COP1: variants seen among roughly 807,000 people sequenced by gnomAD.
COP1 encodes the protein COP1 E3 ubiquitin ligase.
COP1 carries 24 observed loss-of-function variants against 101.3 expected under a neutral mutation model. The observed-to-expected ratio is 0.24, with a 90% confidence interval of 0.17 to 0.33. The LOEUF is 0.33. Ranked by LOEUF, COP1 falls within the 10% of genes least tolerant of loss-of-function variation. The pLI, the probability that COP1 is intolerant of heterozygous loss-of-function variation, is 1.00. For missense variants in COP1, 663 were observed against 906.2 expected (o/e 0.73, Z 3.45); for synonymous variants, 347 against 341.9 (o/e 1.01, Z -0.17).
At chr1:176,038,883 A>G (rs1340968527) in intron 14 of COP1, among the ~76,000 whole-genome samples, 2 of 152,160 alleles carry the variant, frequency 1.3e-5, no homozygotes, top group African/African-American at 4.8e-5. Flanking sequence ...AAACAGGCCC[A>G]TACACATCCC....
chr1:176,041,353 CTTTTTTTT>C (rs527574402), intron 14 of COP1, among the ~76,000 whole-genome samples: 1 of 144,198 alleles, frequency 6.9e-6, no homozygotes, highest in East Asian at 2.0e-4. Flanking sequence ...TTCTTTTTTT[CTTTTTTTT>C]TTTTGAGACA....
chr1:176,037,801 G>A (rs545928245), intron 14 of COP1, among the ~76,000 whole-genome samples: 1 of 152,218 alleles, frequency 6.6e-6, no homozygotes, highest in African/African-American at 2.4e-5. Flanking sequence ...ATTGACACAG[G>A]TGCCTACTAA....
chr1:176,054,332 T>C (rs1381471937), intron 11 of COP1, among the ~76,000 whole-genome samples: 2 of 151,902 alleles, frequency 1.3e-5, no homozygotes, highest in Non-Finnish European at 2.9e-5. Flanking sequence ...CAGCTAATTT[T>C]TGTATTTTTA....
At chr1:175,962,866 A>G (rs1651544992) in intron 18 of COP1, among the ~76,000 whole-genome samples, 1 of 152,212 alleles carries the variant, frequency 6.6e-6, no homozygotes, top group South Asian at 2.1e-4. Flanking sequence ...AAAAGCAGAA[A>G]AAAAATTAAG....
intron 9 of COP1, among the ~76,000 whole-genome samples, chr1:176,104,885 G>A (rs1003007695): frequency 5.3e-5 from 8 of 152,062 alleles, no homozygotes; most frequent in African/African-American, 9.7e-5. Context: ...TGGAAACTGC[G>A]TACTTGTCAT....
chr1:176,134,000 C>A (rs1689388891), intron 8 of COP1: 3 of 389,586 alleles, frequency 7.7e-6, no homozygotes, highest in South Asian at 3.8e-5. Context: ...TAAAATAACA[C>A]CAGAATTAAC....
chr1:176,015,520 G>C (rs1357348509), intron 15 of COP1, among the ~76,000 whole-genome samples: 1 of 152,098 alleles, frequency 6.6e-6, no homozygotes, highest in African/African-American at 2.4e-5. Context: ...ACTTGATAAG[G>C]AAGACATACA....
At chr1:176,043,960 C>T (rs1671068456) in intron 12 of COP1, 142 bp from the exon 13 acceptor site, 1 of 580,298 alleles carries the variant, frequency 1.7e-6, no homozygotes, top group Admixed American at 2.9e-5. Context: ...CCACAACATA[C>T]CTGGGAAAAG....
At chr1:176,189,744 G>T (rs1220662099) in intron 1 of COP1, among the ~76,000 whole-genome samples, 1 of 150,522 alleles carries the variant, frequency 6.6e-6, no homozygotes, top group Non-Finnish European at 1.5e-5. Context: ...AAAGGAAAAA[G>T]AAACATAATA....
At chr1:176,143,896 C>T (rs531132225) in intron 6 of COP1, among the ~76,000 whole-genome samples, 1 of 152,216 alleles carries the variant, frequency 6.6e-6, no homozygotes, top group South Asian at 2.1e-4. Context: ...CTGGAGACTA[C>T]TCAACCCCAC....
At chr1:175,991,080 A>T (rs1179628953) in intron 15 of COP1, among the ~76,000 whole-genome samples, 1 of 152,106 alleles carries the variant, frequency 6.6e-6, no homozygotes, top group Non-Finnish European at 1.5e-5. Flanking sequence ...TCATTGGAGC[A>T]TTTCAGATTT....
intron 9 of COP1, among the ~76,000 whole-genome samples, chr1:176,091,302 T>C (rs866397843): frequency 4.0e-5 from 6 of 149,336 alleles, no homozygotes; most frequent in East Asian, 3.9e-4. Context: ...CGTGCCACTG[T>C]GCCACTGTAC....
chr1:176,045,581 G>GAAA (rs533930344), intron 12 of COP1, among the ~76,000 whole-genome samples: 35 of 101,146 alleles, frequency 3.5e-4, no homozygotes, highest in Admixed American at 2.2e-3. Flanking sequence ...TGTTTAGAAG[G>GAAA]AAAAAAAAAA....
intron 6 of COP1, among the ~76,000 whole-genome samples, chr1:176,146,020 T>C (rs1691540909): frequency 6.6e-6 from 1 of 152,198 alleles, no homozygotes; most frequent in South Asian, 2.1e-4. Context: ...TTTTGTGTTT[T>C]TCATATAAAA....
At chr1:176,010,543 T>C (rs966921033) in intron 15 of COP1, among the ~76,000 whole-genome samples, 2 of 152,234 alleles carry the variant, frequency 1.3e-5, no homozygotes. Context: ...TGTTTTCTTA[T>C]TATGTTCAAA....
intron 11 of COP1, among the ~76,000 whole-genome samples, chr1:176,046,730 A>G (rs1422068193): frequency 1.3e-5 from 2 of 152,108 alleles, no homozygotes; most frequent in Non-Finnish European, 1.5e-5. Flanking sequence ...TTGTGGAGGT[A>G]GTAGAATTTC....
chr1:176,187,798 A>G (rs547334912), intron 1 of COP1, among the ~76,000 whole-genome samples: 14 of 152,276 alleles, frequency 9.2e-5, no homozygotes, highest in African/African-American at 3.4e-4. Flanking sequence ...AATACACCAA[A>G]AAGAGAAAAT....
chr1:176,000,089 G>T (rs529923578), intron 15 of COP1, among the ~76,000 whole-genome samples: 2 of 151,962 alleles, frequency 1.3e-5, no homozygotes, highest in African/African-American at 4.8e-5. Context: ...TGTTGCCTTC[G>T]CTGTGCAGAA....
chr1:175,991,078 G>A (rs574296422), intron 15 of COP1, among the ~76,000 whole-genome samples: 1 of 152,008 alleles, frequency 6.6e-6, no homozygotes, highest in Non-Finnish European at 1.5e-5. Flanking sequence ...CTTCATTGGA[G>A]CATTTCAGAT....
Sources: allele counts gnomAD v4.1 joint callset (sites outside exome capture counted in the v4.1 genomes callset), GRCh38; gene constraint gnomAD v4.1.1; transcripts MANE v1.5; gene names NCBI Gene and HGNC (gene_info 2026-07-23, HGNC 2026-07-21).